The following GGNBP2 variants were observed in gnomAD, a reference collection of about 807,000 sequenced individuals.
GGNBP2 encodes the protein gametogenetin binding protein 2, also known as gametogenetin-binding protein 2.
Under a neutral mutation model 85.9 loss-of-function variants are expected in GGNBP2, and 10 were observed. That is an observed-to-expected ratio of 0.12 (90% confidence interval 0.07 to 0.20). GGNBP2 has a LOEUF of 0.20. Among genes scored for constraint, GGNBP2 ranks in the 10% least tolerant of loss-of-function variants. The pLI is 1.00. For synonymous variants in GGNBP2, 287 were observed against 285.7 expected (o/e 1.00, Z -0.05); for missense variants, 595 against 857.8 (o/e 0.69, Z 3.83).
intron 6 of GGNBP2, among the ~76,000 whole-genome samples, chr17:36,569,031 G>A (rs1369593842): frequency 6.6e-6 from 1 of 152,058 alleles, no homozygotes; most frequent in Non-Finnish European, 1.5e-5. Context: ...GGGATTACAG[G>A]TGTGAGCCAC....
chr17:36,552,251 C>G (rs2074316815), intron 2 of GGNBP2, among the ~76,000 whole-genome samples: 1 of 152,100 alleles, frequency 6.6e-6, no homozygotes, highest in African/African-American at 2.4e-5. Flanking sequence ...TGTCTTAAAC[C>G]TTTTGATGAT....
chr17:36,570,372 A>T (rs2074511033), intron 6 of GGNBP2, among the ~76,000 whole-genome samples: 5 of 152,128 alleles, frequency 3.3e-5, no homozygotes, highest in Admixed American at 3.3e-4. Flanking sequence ...TGAGCAACAG[A>T]GTGAAACGCC....
intron 6 of GGNBP2, among the ~76,000 whole-genome samples, chr17:36,572,062 G>A (rs1462191725): frequency 6.6e-6 from 1 of 150,896 alleles, no homozygotes; most frequent in Non-Finnish European, 1.5e-5. Context: ...AAAAAAAAAA[G>A]TTTTAAAAAA....
chr17:36,587,819 G>A lies in GGNBP2; in HGVS notation c.1890+574G>A, dbSNP rs552137196. 1.3e-4 allele frequency among the ~76,000 whole-genome samples: 20 copies of A among 152,308 alleles called. No individual in the cohort carries two copies. In the South Asian group the frequency reaches 4.1e-3, roughly 32 times the overall value. On this transcript the variant is annotated intron_variant, in intron 13 of 13. Transcript: ENST00000613102. ...GGAGAATCACTTGAAGCCAGGAGGC[G>A]GAGGTTTCAGTGAGCTGAGATCGTG...
intron 2 of GGNBP2, among the ~76,000 whole-genome samples, chr17:36,548,185 G>A (rs751850494): frequency 9.2e-5 from 14 of 152,206 alleles, no homozygotes; most frequent in Non-Finnish European, 1.8e-4. Context: ...GTAGCTAAAT[G>A]TTGCAATATA....
In GGNBP2 at chr17:36,545,679, C is replaced by T. The variant is rs2074245425; in HGVS notation, c.-46C>T. On this transcript the variant is annotated 5_prime_UTR_variant, in exon 2 of 14. Coordinates refer to ENST00000613102, the MANE Select transcript of GGNBP2 (RefSeq NM_024835.5). ...GAAACAGCAGCGGCGGCGGCGGCGG[C>T]AGCTGGGAGGAGGTGGTGACGGTGG... 1 of 1,434,316 alleles carries T rather than the reference C, an allele frequency of 7.0e-7. No homozygotes were observed. The highest frequency in any genetic ancestry group is 1.2e-5 in the South Asian group (1 of 81,614). The allele number at this position is 1,434,316 out of a possible 1,614,324, so 88.8% of individuals were successfully genotyped here. A position where few individuals can be genotyped will look rare whatever the true frequency, so the allele number is the denominator to read the frequency against.
intron 6 of GGNBP2, among the ~76,000 whole-genome samples, chr17:36,570,612 A>G (rs2074513785): frequency 6.6e-6 from 1 of 152,224 alleles, no homozygotes; most frequent in African/African-American, 2.4e-5. Context: ...AGGCAGGAGA[A>G]TCGCTTGAAC....
intron 9 of GGNBP2, among the ~76,000 whole-genome samples, chr17:36,583,252 C>T (rs1256238745): frequency 1.3e-5 from 2 of 151,666 alleles, no homozygotes; most frequent in East Asian, 3.9e-4. Flanking sequence ...CAGGGTTTCA[C>T]CATGTTGGCC....
chr17:36,547,243 G>C (rs1054087353), intron 2 of GGNBP2: 1 of 152,078 alleles, frequency 6.6e-6, no homozygotes, highest in African/African-American at 2.4e-5. Context: ...ACTTCAGATA[G>C]GGATTCATTT....
At position 36,589,418 on chromosome 17, in the gene GGNBP2, A is replaced by G. The variant is rs771257343; in HGVS notation, c.*7A>G. On this transcript the variant is annotated 3_prime_UTR_variant, in exon 14 of 14. Coordinates refer to ENST00000613102, the MANE Select transcript of GGNBP2 (RefSeq NM_024835.5). ...AACGGCTGGAGCAAATTAAATAAAT[A>G]AAATAGCTCTGTCTTTCAATGAAAC... 1.2e-6 allele frequency: 2 copies of G among 1,600,054 alleles called. No homozygotes were observed. The highest frequency in any genetic ancestry group is 2.7e-5 in the African/African-American group (2 of 74,598).
At chr17:36,567,594 G>T in intron 5 of GGNBP2, 69 bp from the exon 6 acceptor site, 1 of 757,882 alleles carries the variant, frequency 1.3e-6, no homozygotes. Flanking sequence ...ACTTTAATCT[G>T]TTTTTTGTTT....
At chr17:36,558,642 G>T (rs1289683614) in intron 4 of GGNBP2, among the ~76,000 whole-genome samples, 2 of 151,340 alleles carry the variant, frequency 1.3e-5, no homozygotes, top group African/African-American at 4.8e-5. Context: ...TTTTAGTAGA[G>T]ACAGGGTTTC....
At chr17:36,553,001 G>A in intron 2 of GGNBP2, among the ~76,000 whole-genome samples, 1 of 118,050 alleles carries the variant, frequency 8.5e-6, no homozygotes, top group African/African-American at 3.2e-5. Context: ...CAGCCTGGGT[G>A]ACAGAACAAG....
rs941083344 is a variant in GGNBP2, at chr17:36,579,059, G to T, written c.846-186G>T. ...GCAATACGAGGACTAAATTCTACTT[G>T]CATGTGTATTTCTCATTGGTTGTGG... On this transcript the variant is annotated intron_variant, in intron 7 of 13. Coordinates refer to ENST00000613102, the MANE Select transcript of GGNBP2 (RefSeq NM_024835.5). The T allele has an allele frequency of 1.8e-5, 10 of 552,786 alleles. No homozygotes were observed. In the East Asian group the frequency reaches 2.9e-4, roughly 16 times the overall value. The allele number at this position is 552,786 out of a possible 1,614,324, so 34.2% of individuals were successfully genotyped here.
chr17:36,554,618 C>T (rs935137227), intron 2 of GGNBP2, among the ~76,000 whole-genome samples: 13 of 151,894 alleles, frequency 8.6e-5, no homozygotes, highest in Non-Finnish European at 5.9e-5. Flanking sequence ...CCGCCGCCCC[C>T]CACCCCACTG....
At chr17:36,564,900 C>G (rs150546753) in intron 5 of GGNBP2, among the ~76,000 whole-genome samples, 549 of 152,176 alleles carry the variant, frequency 3.6e-3, no homozygotes, top group African/African-American at 0.012. Context: ...CAAGTAAACC[C>G]AGGTTATTGT....
intron 8 of GGNBP2, 115 bp downstream of exon 8, chr17:36,579,534 G>T: frequency 1.2e-6 from 1 of 839,510 alleles, no homozygotes. Context: ...AGAGCTTCAT[G>T]GATTTGGCTG....
chr17:36,581,557 A>G lies in GGNBP2; in HGVS notation c.1215+19A>G, dbSNP rs752845734. On this transcript the variant is annotated intron_variant, in intron 9 of 13. Coordinates refer to ENST00000613102, the MANE Select transcript of GGNBP2 (RefSeq NM_024835.5). ...AGAGAAGGTAATATTTCTTAATATC[A>G]ACTCTTAAGTGTGTATGTATTGCTT... 7 of 1,564,292 alleles carry G rather than the reference A, an allele frequency of 4.5e-6. No individual in the cohort carries two copies. In the Admixed American group the frequency reaches 1.2e-4, roughly 27 times the overall value.
intron 12 of GGNBP2, 131 bp from the exon 13 acceptor site, chr17:36,586,866 G>A: frequency 2.3e-6 from 2 of 851,144 alleles, no homozygotes; most frequent in East Asian, 2.7e-5. Context: ...TGATCCACCT[G>A]CCTCGGCCTC....
Sources: allele counts gnomAD v4.1 joint callset (sites outside exome capture counted in the v4.1 genomes callset), GRCh38; gene constraint gnomAD v4.1.1; transcripts MANE v1.5; gene names NCBI Gene and HGNC (gene_info 2026-07-23, HGNC 2026-07-21).